The following HHLA1 variants were observed in gnomAD, a reference collection of about 807,000 sequenced individuals.
HHLA1 encodes HERV-H LTR-associating protein 1.
Under a neutral mutation model 69.9 loss-of-function variants are expected in HHLA1, and 72 were observed. That is an observed-to-expected ratio of 1.03 (90% CI 0.85 to 1.25). The LOEUF (loss-of-function observed/expected upper bound fraction) is 1.25, where lower values mean the gene tolerates loss of function less well. Ranked by LOEUF, HHLA1 falls within the 50% of genes most tolerant of loss-of-function variation. The probability of loss-of-function intolerance (pLI) is 0.00; values close to 1 mark genes in which losing one functional copy is unlikely to be tolerated. For synonymous variants in HHLA1, 252 were observed against 233.2 expected (o/e 1.08, Z -0.73); for missense variants, 685 against 642.2 (o/e 1.07, Z -0.72).
At chr8:132,105,525 A>G (rs918592281) in intron 1 of HHLA1, among the ~76,000 whole-genome samples, 1 of 152,232 alleles carries the variant, frequency 6.6e-6, no homozygotes, top group Non-Finnish European at 1.5e-5. Context: ...TCTGCTCCAC[A>G]TAGTCACTCA....
At chr8:132,095,187 G>A (rs55672197) in intron 7 of HHLA1, among the ~76,000 whole-genome samples, 1 of 152,262 alleles carries the variant, frequency 6.6e-6, no homozygotes, top group African/African-American at 2.4e-5. Flanking sequence ...TCCATGCACA[G>A]GCCAAATTTG....
chr8:132,106,859 G>A (rs2436099), intron 1 of HHLA1, among the ~76,000 whole-genome samples: 33,744 of 152,096 alleles, frequency 0.22, 4,654 homozygotes, highest in Non-Finnish European at 0.31. Context: ...GGTGGAAGTG[G>A]GCAGGCAATT....
At chr8:132,111,018 C>T (rs1824286777) in intron 1 of HHLA1, 84 bp downstream of exon 1, 1 of 152,198 alleles carries the variant, frequency 6.6e-6, no homozygotes, top group South Asian at 2.1e-4. Context: ...AGGATTATAG[C>T]AGATGAATTC....
intron 16 of HHLA1, among the ~76,000 whole-genome samples, chr8:132,065,415 G>A (rs1823416567): frequency 6.6e-6 from 1 of 152,146 alleles, no homozygotes; most frequent in Non-Finnish European, 1.5e-5. Context: ...CCGAGTAGCT[G>A]GGACTACAGG....
chr8:132,101,293 G>T (rs1164059552), intron 3 of HHLA1: 4 of 1,549,266 alleles, frequency 2.6e-6, no homozygotes, highest in Non-Finnish European at 3.5e-6. Context: ...AAGTTTTCAT[G>T]AATAAAATAG....
intron 15 of HHLA1, among the ~76,000 whole-genome samples, chr8:132,066,877 C>T (rs1415435623): frequency 6.6e-6 from 1 of 152,214 alleles, no homozygotes; most frequent in African/African-American, 2.4e-5. Flanking sequence ...CCAGGTAACC[C>T]ACTTTATGCC....
intron 15 of HHLA1, chr8:132,070,166 G>C (rs1221780253): frequency 5.4e-6 from 3 of 559,674 alleles, no homozygotes; most frequent in Non-Finnish European, 9.4e-6. Context: ...GGAGAGATTG[G>C]TATCCAGGCC....
At chr8:132,096,714 C>T (rs1338049702) in intron 5 of HHLA1, among the ~76,000 whole-genome samples, 1 of 152,094 alleles carries the variant, frequency 6.6e-6, no homozygotes, top group Non-Finnish European at 1.5e-5. Flanking sequence ...TAAAAGGGCA[C>T]ATTCCTGGAT....
chr8:132,109,263 T>G (rs545860217), intron 1 of HHLA1, among the ~76,000 whole-genome samples: 1 of 152,290 alleles, frequency 6.6e-6, no homozygotes, highest in South Asian at 2.1e-4. Flanking sequence ...GCTCATGGCA[T>G]AGTTGTTACA....
chr8:132,074,781 T>C (rs1046076716), intron 14 of HHLA1, among the ~76,000 whole-genome samples: 2 of 152,092 alleles, frequency 1.3e-5, no homozygotes, highest in African/African-American at 4.8e-5. Context: ...TATGGATGGA[T>C]AGGTGGGTTA....
intron 10 of HHLA1, chr8:132,080,230 A>C (rs1217074703): frequency 1.9e-6 from 1 of 539,684 alleles, no homozygotes; most frequent in Non-Finnish European, 3.5e-6. Flanking sequence ...TATGGATACA[A>C]CTAAATTTCA....
rs1287943277 is a variant in HHLA1, at chr8:132,095,807, A to C, written c.281-21T>G. On this transcript the variant is annotated intron_variant, in intron 5 of 16. Transcript: ENST00000414222. ...GCTATCTGCCAAAACATACCAGATA[A>C]AGAGACAGACAGATGCCTACTAACG... 2.0e-6 allele frequency: 3 copies of C among 1,502,958 alleles called. No individual in the cohort carries two copies. In the East Asian group the frequency reaches 7.4e-5, roughly 37 times the overall value. The allele number at this position is 1,502,958 out of a possible 1,614,324, so 93.1% of individuals were successfully genotyped here. A position where few individuals can be genotyped will look rare whatever the true frequency, so the allele number is the denominator to read the frequency against.
intron 10 of HHLA1, 147 bp from the exon 11 acceptor site, chr8:132,080,113 A>T (rs1359097739): frequency 2.6e-5 from 29 of 1,129,668 alleles, no homozygotes; most frequent in Non-Finnish European, 3.6e-5. Context: ...ATGTTTCCTG[A>T]ACAGATTCTG....
chr8:132,079,647 A>G (rs186727935), intron 11 of HHLA1, 71 bp downstream of exon 11: 75 of 1,444,566 alleles, frequency 5.2e-5, no homozygotes, highest in Admixed American at 3.0e-4. Context: ...GATTTTGCTT[A>G]TATATGTGAG....
At chr8:132,065,681 G>C (rs908937115) in intron 16 of HHLA1, among the ~76,000 whole-genome samples, 2 of 152,332 alleles carry the variant, frequency 1.3e-5, no homozygotes, top group Admixed American at 6.5e-5. Flanking sequence ...GACTCCTGCT[G>C]TGTTTTTCCC....
At chr8:132,101,851 C>T (rs932355233) in intron 3 of HHLA1, among the ~76,000 whole-genome samples, 6 of 152,300 alleles carry the variant, frequency 3.9e-5, no homozygotes, top group Non-Finnish European at 7.4e-5. Flanking sequence ...GGATTACAGG[C>T]GTGAGCCACT....
At chr8:132,088,911 G>C (rs1823901932) in intron 8 of HHLA1, among the ~76,000 whole-genome samples, 1 of 152,158 alleles carries the variant, frequency 6.6e-6, no homozygotes, top group Admixed American at 6.5e-5. Flanking sequence ...CCTAATGATA[G>C]CTGTTACTAT....
intron 12 of HHLA1, among the ~76,000 whole-genome samples, chr8:132,077,216 G>A (rs1452201533): frequency 6.6e-6 from 1 of 152,154 alleles, no homozygotes; most frequent in Non-Finnish European, 1.5e-5. Flanking sequence ...AGCTGGGTCA[G>A]GTGACATCTA....
chr8:132,079,601 C>T (rs766556915), intron 11 of HHLA1, 117 bp downstream of exon 11: 70 of 1,130,928 alleles, frequency 6.2e-5, no homozygotes, highest in Admixed American at 1.8e-4. Context: ...TAAGCTGAAG[C>T]GTAACTTCAG....
Sources: allele counts gnomAD v4.1 joint callset (sites outside exome capture counted in the v4.1 genomes callset), GRCh38; gene constraint gnomAD v4.1.1; transcripts MANE v1.5; gene names NCBI Gene and HGNC (gene_info 2026-07-23, HGNC 2026-07-21).